Variants in SLC2A13 observed in about 807,000 individuals in gnomAD.
The protein encoded by SLC2A13 is solute carrier family 2 member 13, also known as proton myo-inositol cotransporter.
Under a neutral mutation model 64.4 loss-of-function variants are expected in SLC2A13, and 32 were observed. The ratio of observed to expected loss-of-function variants is 0.50; its 90% CI spans 0.37 to 0.67. SLC2A13 has a LOEUF of 0.67. SLC2A13 is among the 30% of genes least tolerant of loss of function. SLC2A13 has a pLI of 0.00. For missense variants in SLC2A13, 743 were observed against 829.2 expected, an observed-to-expected ratio of 0.90 and a Z score of 1.28; for synonymous variants, 338 against 327.1, an observed-to-expected ratio of 1.03 and a Z score of -0.36.
chr12:39,810,617 A>T (rs1336201780), intron 7 of SLC2A13, among the ~76,000 whole-genome samples: 1 of 152,132 alleles, frequency 6.6e-6, no homozygotes, highest in Non-Finnish European at 1.5e-5. Flanking sequence ...GGTTTTTAAG[A>T]GATGTTATGT....
chr12:39,894,311 C>G (rs1944685367), intron 4 of SLC2A13, among the ~76,000 whole-genome samples: 1 of 152,134 alleles, frequency 6.6e-6, no homozygotes, highest in Non-Finnish European at 1.5e-5. Context: ...CACTGGTTAT[C>G]CACATATTGA....
chr12:39,826,854 A>ATT lies in SLC2A13; in HGVS notation c.1445+3247_1445+3248dup, dbSNP rs63699664. On this transcript the variant is annotated intron_variant, in intron 7 of 9. Coordinates refer to ENST00000280871, the MANE Select transcript of SLC2A13 (RefSeq NM_052885.4). ...TTTATTTCTTTTAAAGTCTCTTTCA[A>ATT]TTTTTTTTTTTTTTTTTTGCAATGC... Among the ~76,000 whole-genome samples the ATT allele has an allele frequency of 7.9e-3, 534 of 67,386 alleles. 12 individuals are homozygous for ATT. Among genetic ancestry groups the ATT allele is most frequent in the Non-Finnish European group, 0.01 (410 of 39,582 alleles). The allele number at this position is 67,386 out of a possible 152,430, so 44.2% of individuals were successfully genotyped here. A position where few individuals can be genotyped will look rare whatever the true frequency, so the allele number is the denominator to read the frequency against.
At chr12:39,948,923 A>C (rs1946184119) in intron 4 of SLC2A13, among the ~76,000 whole-genome samples, 1 of 152,180 alleles carries the variant, frequency 6.6e-6, no homozygotes. Flanking sequence ...CTAGACTCTA[A>C]TAGATTATTT....
chr12:39,978,727 G>A (rs1306887416), intron 3 of SLC2A13, among the ~76,000 whole-genome samples: 2 of 152,194 alleles, frequency 1.3e-5, no homozygotes, highest in Admixed American at 6.5e-5. Flanking sequence ...AAACTGCAAG[G>A]CGGCAGCAAG....
At position 40,106,056 on chromosome 12, in the gene SLC2A13, T is replaced by A; in HGVS notation, c.-248A>T. 1 of 355,762 alleles carries A rather than the reference T, an allele frequency of 2.8e-6. No homozygotes were observed. 22.0% of individuals were successfully genotyped at this position (355,762 alleles called of 1,614,324 possible). A position where few individuals can be genotyped will look rare whatever the true frequency, so the allele number is the denominator to read the frequency against. On this transcript the variant is annotated 5_prime_UTR_variant, in exon 1 of 10. Transcript: ENST00000280871. ...TCACTCCACACTCACGCCCCGCGCC[T>A]GCCGAGCTGGCGCTGCGGAGCGGGC...
At chr12:39,839,437 T>C (rs1943122072) in intron 6 of SLC2A13, among the ~76,000 whole-genome samples, 1 of 152,084 alleles carries the variant, frequency 6.6e-6, no homozygotes, top group African/African-American at 2.4e-5. Context: ...CTGGTACTAA[T>C]TTCATGAAGC....
chr12:39,972,676 T>G (rs1414070497), intron 3 of SLC2A13, among the ~76,000 whole-genome samples: 2 of 152,188 alleles, frequency 1.3e-5, no homozygotes, highest in African/African-American at 4.8e-5. Context: ...TCATTCATAG[T>G]AAAATAAAAC....
chr12:39,972,645 G>A (rs2136133134), intron 3 of SLC2A13, among the ~76,000 whole-genome samples: 1 of 152,220 alleles, frequency 6.6e-6, no homozygotes, highest in South Asian at 2.1e-4. Flanking sequence ...TTCTTCATCA[G>A]CAGAGAACAT....
chr12:40,087,626 T>C (rs1197277018), intron 1 of SLC2A13, among the ~76,000 whole-genome samples: 7 of 152,150 alleles, frequency 4.6e-5, no homozygotes, highest in African/African-American at 1.2e-4. Context: ...GAGGCTATGA[T>C]AGATCCTGGG....
At chr12:39,774,208 A>G (rs978210650) in intron 7 of SLC2A13, among the ~76,000 whole-genome samples, 3 of 152,088 alleles carry the variant, frequency 2.0e-5, no homozygotes, top group Non-Finnish European at 4.4e-5. Context: ...GGACACCTTC[A>G]CTCTTATCTG....
chr12:39,850,164 G>T (rs751688871), intron 6 of SLC2A13, among the ~76,000 whole-genome samples: 4 of 152,094 alleles, frequency 2.6e-5, no homozygotes, highest in Non-Finnish European at 5.9e-5. Flanking sequence ...TAATAAAGGA[G>T]TCAGTGGATT....
chr12:39,784,432 C>T (rs1440092768), intron 7 of SLC2A13, among the ~76,000 whole-genome samples: 1 of 152,146 alleles, frequency 6.6e-6, no homozygotes, highest in African/African-American at 2.4e-5. Flanking sequence ...ACATCTACAA[C>T]CATCTGATCT....
At chr12:39,803,600 A>G (rs1452627417) in intron 7 of SLC2A13, among the ~76,000 whole-genome samples, 1 of 152,144 alleles carries the variant, frequency 6.6e-6, no homozygotes, top group Non-Finnish European at 1.5e-5. Context: ...AGTCAGAAAA[A>G]AGAATCCTTC....
At chr12:39,883,171 C>T (rs1435696821) in intron 4 of SLC2A13, among the ~76,000 whole-genome samples, 9 of 151,950 alleles carry the variant, frequency 5.9e-5, no homozygotes, top group African/African-American at 9.7e-5. Context: ...TAATAAGTAA[C>T]GCTCATAAGA....
chr12:40,099,123 A>C (rs1939061000), intron 1 of SLC2A13, among the ~76,000 whole-genome samples: 1 of 152,224 alleles, frequency 6.6e-6, no homozygotes, highest in African/African-American at 2.4e-5. Context: ...TTGAGTTTAG[A>C]AGTACCCGTA....
intron 3 of SLC2A13, among the ~76,000 whole-genome samples, chr12:39,961,652 T>C (rs1191749586): frequency 1.3e-5 from 2 of 151,802 alleles, no homozygotes; most frequent in African/African-American, 2.4e-5. Context: ...GCACATGCCA[T>C]CACATCTGGC....
intron 3 of SLC2A13, among the ~76,000 whole-genome samples, chr12:40,023,688 G>A (rs1474704417): frequency 6.6e-6 from 1 of 152,124 alleles, no homozygotes; most frequent in African/African-American, 2.4e-5. Flanking sequence ...TCCAAGAAAT[G>A]ACTTCTCATC....
intron 3 of SLC2A13, 65 bp from the exon 4 acceptor site, chr12:39,951,430 C>T (rs1456709000): frequency 2.3e-6 from 3 of 1,291,114 alleles, no homozygotes; most frequent in Admixed American, 2.9e-5. Flanking sequence ...GTAATTATTC[C>T]CAATAGGACA....
intron 7 of SLC2A13, among the ~76,000 whole-genome samples, chr12:39,820,041 T>C (rs578026778): frequency 6.6e-6 from 1 of 152,184 alleles, no homozygotes; most frequent in Non-Finnish European, 1.5e-5. Flanking sequence ...TTAAATATAA[T>C]ATTAATATTT....
Sources: gnomAD v4.1 joint callset for allele counts (sites outside exome capture counted in the v4.1 genomes callset) on GRCh38, gnomAD v4.1.1 for gene constraint, MANE v1.5 for transcripts, NCBI Gene and HGNC (gene_info 2026-07-23, HGNC 2026-07-21) for gene names.